Variants in TTC21A observed in about 807,000 individuals in gnomAD.
TTC21A encodes tetratricopeptide repeat protein 21A.
Under a neutral mutation model 156.4 loss-of-function variants are expected in TTC21A, and 128 were observed. That is an observed-to-expected ratio of 0.82 (90% CI 0.71 to 0.95). The LOEUF is 0.95. Ranked by LOEUF, TTC21A falls within the 40% of genes least tolerant of loss-of-function variation. The pLI is 0.00. For synonymous variants in TTC21A, 587 were observed against 617.1 expected (o/e 0.95, Z 0.72); for missense variants, 1,435 against 1,602.3 (o/e 0.90, Z 1.78).
intron 4 of TTC21A, among the ~76,000 whole-genome samples, chr3:39,111,866 G>T (rs1426697407): frequency 6.6e-6 from 1 of 152,162 alleles, no homozygotes; most frequent in Non-Finnish European, 1.5e-5. Context: ...GGTGCTTTAG[G>T]GCAGGGCTCT....
At chr3:39,127,318 C>T (rs13321595) in intron 12 of TTC21A, among the ~76,000 whole-genome samples, 5,327 of 152,284 alleles carry the variant, frequency 0.035, 137 homozygotes, top group Non-Finnish European at 0.049. Context: ...GGCATTGCAT[C>T]GTGTGGGTTG....
In TTC21A at chr3:39,138,389, T is replaced by A. The variant is rs1319642332; in HGVS notation, c.3796+2T>A. Reference sequence around the variant, plus strand: ...GTCATCACGCCAACCCTGCCATTGGTAAGGCAACCAGCCAGGGTGCACGTG... The same window carrying A: ...GTCATCACGCCAACCCTGCCATTGGAAAGGCAACCAGCCAGGGTGCACGTG... On this transcript the variant is annotated splice_donor_variant, in intron 27 of 28. Coordinates refer to ENST00000683103, the MANE Select transcript of TTC21A (RefSeq NM_001366900.1). LOFTEE classifies it high-confidence loss of function. 6.2e-7 allele frequency: 1 copy of A among 1,613,920 alleles called. No homozygotes were observed. Among genetic ancestry groups the A allele is most frequent in the Admixed American group, 1.7e-5 (1 of 59,998 alleles).
chr3:39,131,190 G>C, intron 19 of TTC21A, 95 bp downstream of exon 19: 1 of 993,366 alleles, frequency 1.0e-6, no homozygotes, highest in Non-Finnish European at 1.5e-6. Context: ...GAAAGCCCCA[G>C]ACCTCTTCCT....
Position 39,124,658 on chromosome 3 carries a change from CA to C in TTC21A, c.1094-390del, listed in dbSNP as rs60845030. Among the ~76,000 whole-genome samples the C allele has an allele frequency of 3.2e-3, 226 of 71,056 alleles. 6 individuals are homozygous for C. The highest frequency in any genetic ancestry group is 6.6e-3 in the African/African-American group (156 of 23,608). The allele number at this position is 71,056 out of a possible 152,430, so 46.6% of individuals were successfully genotyped here. On this transcript the variant is annotated intron_variant, in intron 9 of 28. Transcript: ENST00000683103. ...TGGGCAAAAGAGCGAAACTCCGTCTCAAAAAAAAAAAAAAAGCAGATTGTAG... is the reference window on the plus strand; with the variant it reads ...TGGGCAAAAGAGCGAAACTCCGTCTCAAAAAAAAAAAAAAGCAGATTGTAG...
chr3:39,124,288 A>G (rs1422984114), intron 9 of TTC21A, among the ~76,000 whole-genome samples: 1 of 152,220 alleles, frequency 6.6e-6, no homozygotes, highest in Non-Finnish European at 1.5e-5. Flanking sequence ...ACAGTAAAAC[A>G]TTGTGTTGTC....
At chr3:39,109,919 A>C (rs2036662440) in intron 2 of TTC21A, 110 bp from the exon 3 acceptor site, 2 of 745,646 alleles carry the variant, frequency 2.7e-6, no homozygotes, top group South Asian at 3.4e-5. Context: ...GGGACCTTTC[A>C]GACCAGTTAG....
At chr3:39,115,150 A>G (rs1381008717) in intron 6 of TTC21A, among the ~76,000 whole-genome samples, 2 of 152,184 alleles carry the variant, frequency 1.3e-5, no homozygotes, top group Admixed American at 1.3e-4. Context: ...CTTAATAAAA[A>G]CTTTAGGGGA....
chr3:39,109,360 ACAGAG>A, intron 2 of TTC21A, 146 bp downstream of exon 2: 2 of 855,830 alleles, frequency 2.3e-6, no homozygotes, highest in Non-Finnish European at 3.5e-6. Flanking sequence ...ACGGGAATCC[ACAGAG>A]GCCTACGTAA....
chr3:39,137,148 G>A lies in TTC21A; in HGVS notation c.3258-47G>A, dbSNP rs368297598. On this transcript the variant is annotated intron_variant, in intron 24 of 28. Transcript: ENST00000683103. Reference sequence around the variant, plus strand: ...GGTTGAAGCCAGGTGAGGGCCACACGGGCAGGCCACCGGCCTGTGTCTGAT... The same window carrying A: ...GGTTGAAGCCAGGTGAGGGCCACACAGGCAGGCCACCGGCCTGTGTCTGAT... 4.7e-4 allele frequency: 753 copies of A among 1,599,412 alleles called. 5 individuals are homozygous for A. In the South Asian group the frequency reaches 5.3e-3, roughly 11 times the overall value.
At chr3:39,129,392 A>G (rs1017898169) in intron 15 of TTC21A, 82 bp downstream of exon 15, 26 of 1,054,078 alleles carry the variant, frequency 2.5e-5, no homozygotes, top group Middle Eastern at 2.0e-4. Flanking sequence ...TATTTCTTCA[A>G]CCTGGGTCTC....
At chr3:39,111,116 G>T in intron 4 of TTC21A, 99 bp downstream of exon 4, 1 of 1,344,456 alleles carries the variant, frequency 7.4e-7, no homozygotes, top group Non-Finnish European at 1.0e-6. Context: ...TGAAACTGGG[G>T]GAGAGCCACA....
chr3:39,137,263 A>G lies in TTC21A; in HGVS notation c.3326A>G (p.Tyr1109Cys). 1 of 1,614,080 alleles carries G rather than the reference A, an allele frequency of 6.2e-7. No individual in the cohort carries two copies. Among genetic ancestry groups the G allele is most frequent in the Non-Finnish European group, 8.5e-7 (1 of 1,180,012 alleles). ...STAEKLLREF[Y>C]PHSDSSQTQL... Reference sequence around the variant, plus strand: ...GCCGAGAAACTGCTGCGTGAGTTTTACCCACATTCAGACTCCAGCCAGACC... The same window carrying G: ...GCCGAGAAACTGCTGCGTGAGTTTTGCCCACATTCAGACTCCAGCCAGACC... Residue 1109 changes from tyrosine (Y) to cysteine (C), a missense_variant, in exon 25 of 29, where the codon TAC (tyrosine) becomes TGC (cysteine). Transcript: ENST00000683103.
chr3:39,129,410 TG>T, intron 15 of TTC21A, 100 bp downstream of exon 15: 1 of 907,466 alleles, frequency 1.1e-6, no homozygotes, highest in Non-Finnish European at 1.8e-6. Flanking sequence ...CTCCAGAATG[TG>T]TCCTTGGAGT....
chr3:39,109,257 C>G (rs1432742145), intron 2 of TTC21A, 43 bp downstream of exon 2: 1 of 1,594,712 alleles, frequency 6.3e-7, no homozygotes, highest in African/African-American at 1.3e-5. Context: ...CAGGCACTAG[C>G]TGGGCCCTAA....
chr3:39,117,944 G>T, intron 6 of TTC21A, 125 bp from the exon 7 acceptor site: 1 of 725,988 alleles, frequency 1.4e-6, no homozygotes, highest in South Asian at 1.6e-5. Flanking sequence ...TGGCTAATTT[G>T]GGAGTTCTAT....
At chr3:39,125,226 T>C in intron 10 of TTC21A, 66 bp downstream of exon 10, 1 of 1,540,290 alleles carries the variant, frequency 6.5e-7, no homozygotes, top group East Asian at 2.2e-5. Flanking sequence ...CCACCCCCAC[T>C]TTCCAATAGA....
intron 23 of TTC21A, 122 bp downstream of exon 23, chr3:39,136,629 C>A: frequency 2.4e-6 from 3 of 1,261,160 alleles, no homozygotes; most frequent in Non-Finnish European, 3.3e-6. Flanking sequence ...CCGGACCCAG[C>A]AAGTGAGGGC....
intron 11 of TTC21A, among the ~76,000 whole-genome samples, 171 bp downstream of exon 11, chr3:39,125,703 G>A (rs753901107): frequency 2.0e-4 from 31 of 152,204 alleles, no homozygotes; most frequent in Non-Finnish European, 4.1e-4. Flanking sequence ...CAGCACACAG[G>A]TCACCTGGGA....
Position 39,130,971 on chromosome 3 carries a change from A to T in TTC21A, c.2459-21A>T. On this transcript the variant is annotated intron_variant, in intron 18 of 28. Coordinates refer to ENST00000683103, the MANE Select transcript of TTC21A (RefSeq NM_001366900.1). This position sits in a 1 kb window ranked among gnomAD's most constrained non-coding sequence, Gnocchi z 4.5. ...CCCAGGAGCCAGTGAACTAACACTA[A>T]TTTGAGTTTCCATTTAACAGTCCAA... is the stretch of plus-strand genomic sequence containing the variant. 1 of 1,611,734 alleles carries T rather than the reference A, an allele frequency of 6.2e-7. No homozygotes were observed. Among genetic ancestry groups the T allele is most frequent in the Non-Finnish European group, 8.5e-7 (1 of 1,178,744 alleles).
Sources: allele counts gnomAD v4.1 joint callset (sites outside exome capture counted in the v4.1 genomes callset), GRCh38; gene constraint gnomAD v4.1.1; non-coding constraint Gnocchi (gnomAD v3.1); transcripts MANE v1.5; gene names NCBI Gene and HGNC (gene_info 2026-07-23, HGNC 2026-07-21).